The following PTPRN2 variants were observed in gnomAD, a reference collection of about 807,000 sequenced individuals.
The protein encoded by PTPRN2 is protein tyrosine phosphatase receptor type N2.
In PTPRN2, 74 loss-of-function variants were observed where a neutral mutation model predicts 118.8. The observed-to-expected ratio is 0.62, with a 90% confidence interval of 0.52 to 0.76. PTPRN2 has a LOEUF of 0.76. Ranked by LOEUF, PTPRN2 falls within the 30% of genes least tolerant of loss-of-function variation. PTPRN2 has a pLI of 0.00. For missense variants in PTPRN2, 1,481 were observed against 1,394.4 expected (o/e 1.06, Z -0.99); for synonymous variants, 641 against 608.0 (o/e 1.05, Z -0.80).
At chr7:158,250,340 A>G (rs963969200) in intron 3 of PTPRN2, among the ~76,000 whole-genome samples, 1 of 152,120 alleles carries the variant, frequency 6.6e-6, no homozygotes, top group Non-Finnish European at 1.5e-5. Flanking sequence ...TCTAATGCAT[A>G]TAGGTTATTT....
chr7:157,931,678 G>T (rs1336946394), intron 11 of PTPRN2, among the ~76,000 whole-genome samples: 2 of 152,154 alleles, frequency 1.3e-5, no homozygotes, highest in Admixed American at 1.3e-4. Context: ...ATGACGAGGG[G>T]ACATTTTCAG....
rs1040993422 is a variant in PTPRN2 at position 158,003,039 on chromosome 7, T to C, written c.1723+78259A>G. 6.6e-6 allele frequency among the ~76,000 whole-genome samples: 1 copy of C among 152,126 alleles called. No homozygotes were observed. The highest frequency in any genetic ancestry group is 1.5e-5 in the Non-Finnish European group (1 of 68,022). On this transcript the variant is annotated intron_variant, in intron 11 of 22. Transcript: ENST00000389418. This position sits in a 1 kb window ranked among gnomAD's most constrained non-coding sequence, Gnocchi z 5.0. ...GGCAGGAGATGTTTGGCTTCTGTCA[T>C]GAGCTGACCTGTGTCCCCCAAAATC...
At chr7:158,018,127 G>A (rs1460909334) in intron 11 of PTPRN2, among the ~76,000 whole-genome samples, 2 of 152,196 alleles carry the variant, frequency 1.3e-5, no homozygotes, top group Non-Finnish European at 2.9e-5. Context: ...CTTCTAAATG[G>A]CTAGGGAAGG....
At chr7:158,455,197 C>A (rs116120877) in intron 2 of PTPRN2, among the ~76,000 whole-genome samples, 2,399 of 151,442 alleles carry the variant, frequency 0.016, 68 homozygotes, top group South Asian at 0.06. Flanking sequence ...GAGAAGATAA[C>A]GGCACGGACG....
chr7:158,274,382 A>C (rs1798806737), intron 3 of PTPRN2, among the ~76,000 whole-genome samples: 1 of 123,550 alleles, frequency 8.1e-6, no homozygotes, highest in African/African-American at 3.2e-5. Flanking sequence ...ACACAGGGGG[A>C]GCCGCAGGCA....
At chr7:157,599,816 C>G (rs565659053) in intron 16 of PTPRN2, among the ~76,000 whole-genome samples, 4 of 152,100 alleles carry the variant, frequency 2.6e-5, no homozygotes, top group Non-Finnish European at 5.9e-5. Flanking sequence ...AAGCACACAC[C>G]TCATCTGTAG....
At position 158,125,229 on chromosome 7, in the gene PTPRN2, C is replaced by T. The variant is rs542742754; in HGVS notation, c.1556+8448G>A. Among the ~76,000 whole-genome samples, 513 of 132,164 alleles carry T rather than the reference C, an allele frequency of 3.9e-3. 2 individuals are homozygous for T. The highest frequency in any genetic ancestry group is 0.014 in the African/African-American group (499 of 35,716). The allele number at this position is 132,164 out of a possible 152,430, so 86.7% of individuals were successfully genotyped here. A position where few individuals can be genotyped will look rare whatever the true frequency, so the allele number is the denominator to read the frequency against. ...CTGCCTGAAGTCCCTCCCAGGGCTGCCCCCCTGTCTCGAGTCCCTCCCAGG... is the reference window on the plus strand; with the variant it reads ...CTGCCTGAAGTCCCTCCCAGGGCTGTCCCCCTGTCTCGAGTCCCTCCCAGG... On this transcript the variant is annotated intron_variant, in intron 9 of 22. Transcript: ENST00000389418.
intron 3 of PTPRN2, among the ~76,000 whole-genome samples, chr7:158,250,275 A>C (rs771069544): frequency 1.3e-5 from 2 of 152,148 alleles, no homozygotes; most frequent in Non-Finnish European, 2.9e-5. Context: ...CATTTTTAGG[A>C]TGTATGAATG....
intron 2 of PTPRN2, among the ~76,000 whole-genome samples, chr7:158,358,274 C>A (rs2151282542): frequency 6.6e-6 from 1 of 152,270 alleles, no homozygotes; most frequent in South Asian, 2.1e-4. Context: ...CTGAGGTAGC[C>A]ATGGGGGGCC....
chr7:158,524,959 C>G (rs1824657535), intron 1 of PTPRN2, among the ~76,000 whole-genome samples: 1 of 152,168 alleles, frequency 6.6e-6, no homozygotes, highest in South Asian at 2.1e-4. Context: ...GGGGGCTCCT[C>G]CAGCACAGCC....
chr7:157,739,565 C>G (rs912757125), intron 12 of PTPRN2: 38 of 152,354 alleles, frequency 2.5e-4, no homozygotes, highest in African/African-American at 8.9e-4. Context: ...CTGACGGTCA[C>G]CATACAGGCA....
At chr7:158,507,057 T>G (rs1822801841) in intron 1 of PTPRN2, among the ~76,000 whole-genome samples, 1 of 152,194 alleles carries the variant, frequency 6.6e-6, no homozygotes, top group African/African-American at 2.4e-5. Flanking sequence ...GAATGGGCTC[T>G]GAGCTAGGTT....
intron 1 of PTPRN2, chr7:158,541,369 G>T: frequency 8.0e-7 from 1 of 1,253,934 alleles, no homozygotes; most frequent in Non-Finnish European, 1.1e-6. Context: ...CTAACTTGTT[G>T]TTTTCTAAAA....
Position 158,561,971 on chromosome 7 carries a change from C to G in PTPRN2, c.112+25587G>C, listed in dbSNP as rs534366318. 1.2e-3 allele frequency among the ~76,000 whole-genome samples: 178 copies of G among 152,322 alleles called. 1 individual carries two copies. Among genetic ancestry groups the G allele is most frequent in the African/African-American group, 4.2e-3 (173 of 41,566 alleles). On this transcript the variant is annotated intron_variant, in intron 1 of 22. Coordinates refer to ENST00000389418, the MANE Select transcript of PTPRN2 (RefSeq NM_002847.5). Reference sequence around the variant, plus strand: ...AGGAAGCTCACTGAGGGCTGAGACACTGAGCTGCAGACCTGCCTCTCTCTC... The same window carrying G: ...AGGAAGCTCACTGAGGGCTGAGACAGTGAGCTGCAGACCTGCCTCTCTCTC...
intron 12 of PTPRN2, among the ~76,000 whole-genome samples, chr7:157,683,830 C>G (rs1020092152): frequency 6.6e-6 from 1 of 152,156 alleles, no homozygotes; most frequent in Non-Finnish European, 1.5e-5. Context: ...AAGGCCGCCC[C>G]GCAGACCGCG....
chr7:158,505,137 A>G (rs1822650813), intron 1 of PTPRN2, among the ~76,000 whole-genome samples: 5 of 152,228 alleles, frequency 3.3e-5, no homozygotes, highest in Admixed American at 3.3e-4. Flanking sequence ...CGCATCATAA[A>G]TCACTCAGGG....
intron 6 of PTPRN2, among the ~76,000 whole-genome samples, chr7:158,153,218 C>T (rs1821376963): frequency 6.6e-6 from 1 of 152,200 alleles, no homozygotes; most frequent in South Asian, 2.1e-4. Context: ...TTCTGGCTCC[C>T]CCATCTGCTG....
chr7:158,167,315 G>A (rs770230040), intron 5 of PTPRN2, 24 bp from the exon 6 acceptor site: 1 of 1,552,712 alleles, frequency 6.4e-7, no homozygotes, highest in Non-Finnish European at 8.7e-7. Context: ...GAGCAAAACA[G>A]AGCAAGAGTC....
intron 6 of PTPRN2, among the ~76,000 whole-genome samples, chr7:158,166,657 C>T (rs965524060): frequency 5.9e-5 from 9 of 151,990 alleles, no homozygotes; most frequent in Non-Finnish European, 8.8e-5. Context: ...CCCTCAGCAG[C>T]GCCTTCTCCA....
Sources: allele counts gnomAD v4.1 joint callset (sites outside exome capture counted in the v4.1 genomes callset), GRCh38; gene constraint gnomAD v4.1.1; non-coding constraint Gnocchi (gnomAD v3.1); transcripts MANE v1.5; gene names NCBI Gene and HGNC (gene_info 2026-07-23, HGNC 2026-07-21).